MSN: variants seen among roughly 807,000 people sequenced by gnomAD.
The protein encoded by MSN is moesin.
MSN carries 2 observed loss-of-function variants against 48.0 expected under a neutral mutation model. The observed-to-expected ratio is 0.04, with a 90% CI of 0.02 to 0.13. The LOEUF is 0.13. Ranked by LOEUF, MSN falls within the 10% of genes least tolerant of loss-of-function variation. The pLI, the probability that MSN is intolerant of heterozygous loss-of-function variation, is 1.00. For missense variants in MSN, 267 were observed against 470.1 expected (o/e 0.57, Z 3.99); for synonymous variants, 146 against 166.9 (o/e 0.87, Z 0.97).
intron 1 of MSN, among the ~76,000 whole-genome samples, chrX:65,695,063 T>C (rs2071217868): frequency 9.3e-6 from 1 of 107,990 alleles, no homozygotes; most frequent in Admixed American, 9.7e-5. Flanking sequence ...ACTTCTTCTT[T>C]GTGTGTGTGT....
intron 2 of MSN, among the ~76,000 whole-genome samples, chrX:65,726,716 C>T (rs1288403080): frequency 1.8e-5 from 2 of 111,093 alleles, no homozygotes; most frequent in Admixed American, 9.6e-5. Flanking sequence ...CTGCTTCCAT[C>T]TCCAGGTATA....
intron 1 of MSN, among the ~76,000 whole-genome samples, chrX:65,703,171 T>C (rs2071325918): frequency 9.0e-6 from 1 of 111,538 alleles, no homozygotes; most frequent in African/African-American, 3.3e-5. Context: ...ATAATATGGC[T>C]AAAAGGGGAG....
rs2071722262 is a variant in MSN, at chrX:65,740,183, C to T, written c.*290C>T. The T allele has an allele frequency of 3.7e-6, 1 of 272,245 alleles. No individual in the cohort carries two copies. The highest frequency in any genetic ancestry group is 2.7e-5 in the African/African-American group (1 of 37,226). The allele number at this position is 272,245 out of a possible 1,213,427, so 22.4% of individuals were successfully genotyped here. Reference sequence around the variant, plus strand: ...TTCTCCAGCCTAGAGGTACTTTCCACTTGATTTTGCAAATGCCCTTACACT... The same window carrying T: ...TTCTCCAGCCTAGAGGTACTTTCCATTTGATTTTGCAAATGCCCTTACACT... On this transcript the variant is annotated 3_prime_UTR_variant, in exon 13 of 13. Transcript: ENST00000360270.
chrX:65,619,560 A>T (rs1206559873), intron 1 of MSN, among the ~76,000 whole-genome samples: 4 of 97,879 alleles, frequency 4.1e-5, no homozygotes, highest in African/African-American at 1.5e-4. Context: ...CAGCTCCATC[A>T]GCTCCTTTAA....
chrX:65,655,783 T>G (rs193034187), intron 1 of MSN, among the ~76,000 whole-genome samples: 82 of 112,590 alleles, frequency 7.3e-4, no homozygotes, highest in African/African-American at 2.5e-3. Context: ...TTTTGTTTTT[T>G]GAGACAGAGT....
chrX:65,721,180 A>T (rs1268276217), intron 2 of MSN, among the ~76,000 whole-genome samples: 3 of 112,164 alleles, frequency 2.7e-5, no homozygotes. Flanking sequence ...CTCTCTACCC[A>T]CAAAGAAAGA....
intron 1 of MSN, among the ~76,000 whole-genome samples, chrX:65,615,798 G>A (rs1342593246): frequency 9.0e-6 from 1 of 111,489 alleles, no homozygotes; most frequent in Admixed American, 9.6e-5. Context: ...TGTCCTGAAT[G>A]GTAATGCCTA....
chrX:65,680,686 C>T (rs2071045935), intron 1 of MSN, among the ~76,000 whole-genome samples: 2 of 111,674 alleles, frequency 1.8e-5, no homozygotes, highest in Non-Finnish European at 3.8e-5. Flanking sequence ...TTCCCAAGTC[C>T]AAGTAAGCTA....
chrX:65,673,768 C>T (rs1028102255), intron 1 of MSN, among the ~76,000 whole-genome samples: 1 of 111,965 alleles, frequency 8.9e-6, no homozygotes, highest in African/African-American at 3.3e-5. Context: ...CTGAGCTGGC[C>T]TTAAATCTTC....
At chrX:65,599,350 T>A (rs1347355438) in intron 1 of MSN, among the ~76,000 whole-genome samples, 1 of 111,842 alleles carries the variant, frequency 8.9e-6, no homozygotes, top group African/African-American at 3.2e-5. Flanking sequence ...AAATTCAAAG[T>A]AAGGCTGGGT....
chrX:65,635,742 G>A (rs755153879), intron 1 of MSN, among the ~76,000 whole-genome samples: 1 of 111,860 alleles, frequency 8.9e-6, no homozygotes, highest in Admixed American at 9.5e-5. Context: ...CAACAGTAAC[G>A]CTGTCCCCAG....
At chrX:65,604,982 G>C (rs1251716746) in intron 1 of MSN, among the ~76,000 whole-genome samples, 3 of 111,877 alleles carry the variant, frequency 2.7e-5, no homozygotes, top group African/African-American at 9.8e-5. Context: ...TCCTCTGTTC[G>C]CACCTAGCCC....
chrX:65,623,124 A>C (rs1398071855), intron 1 of MSN, among the ~76,000 whole-genome samples: 2 of 108,433 alleles, frequency 1.8e-5, no homozygotes, highest in Non-Finnish European at 3.8e-5. Context: ...ATGATGTATA[A>C]TCCTTTTAAT....
upstream of MSN, among the ~76,000 whole-genome samples, chrX:65,664,549 C>T (rs1435583094): frequency 9.0e-6 from 1 of 110,830 alleles, no homozygotes; most frequent in East Asian, 2.8e-4. Flanking sequence ...TAAGTCTTTT[C>T]CTCTTTCTGA....
intron 2 of MSN, among the ~76,000 whole-genome samples, chrX:65,723,571 A>C (rs1237218749): frequency 8.9e-6 from 1 of 111,968 alleles, no homozygotes; most frequent in Non-Finnish European, 1.9e-5. Flanking sequence ...GACCCTAGTC[A>C]CTGGAGCCAC....
intron 12 of MSN, 58 bp downstream of exon 12, chrX:65,739,252 G>A: frequency 9.6e-7 from 1 of 1,046,440 alleles, no homozygotes; most frequent in Admixed American, 2.6e-5. Context: ...GTAGCCCATG[G>A]CATTCCCTAG....
At chrX:65,732,801 A>G (rs1004982895) in intron 6 of MSN, among the ~76,000 whole-genome samples, 1 of 112,420 alleles carries the variant, frequency 8.9e-6, no homozygotes, top group African/African-American at 3.2e-5. Flanking sequence ...AACTTGAGAC[A>G]AGGAATCATA....
At chrX:65,634,000 T>C (rs2070579052) in intron 1 of MSN, among the ~76,000 whole-genome samples, 1 of 111,540 alleles carries the variant, frequency 9.0e-6, no homozygotes, top group Non-Finnish European at 1.9e-5. Flanking sequence ...TCACCTTCTT[T>C]ATCAATTCCT....
chrX:65,734,978 C>T (rs965308470), intron 7 of MSN, among the ~76,000 whole-genome samples: 1 of 111,793 alleles, frequency 8.9e-6, no homozygotes, highest in African/African-American at 3.3e-5. Flanking sequence ...AGGATGCTTT[C>T]ACAAGCAAAG....
Sources: allele counts gnomAD v4.1 joint callset (sites outside exome capture counted in the v4.1 genomes callset), GRCh38; gene constraint gnomAD v4.1.1; transcripts MANE v1.5; gene names NCBI Gene and HGNC (gene_info 2026-07-23, HGNC 2026-07-21).